RASSF8: variants seen among roughly 807,000 people sequenced by gnomAD.
RASSF8 encodes the protein ras association domain-containing protein 8.
RASSF8 carries 22 observed loss-of-function variants against 48.5 expected under a neutral mutation model. The observed-to-expected ratio is 0.45, with a 90% CI of 0.32 to 0.65. RASSF8 has a LOEUF of 0.65. Ranked by LOEUF, RASSF8 falls within the 30% of genes least tolerant of loss-of-function variation. The pLI, the probability that RASSF8 is intolerant of heterozygous loss-of-function variation, is 0.03. For synonymous variants in RASSF8, 127 were observed against 171.5 expected (o/e 0.74, Z 2.03); for missense variants, 418 against 489.2 (o/e 0.85, Z 1.37).
intron 1 of RASSF8, among the ~76,000 whole-genome samples, chr12:25,971,286 G>T (rs1395509650): frequency 2.0e-5 from 3 of 152,120 alleles, no homozygotes; most frequent in Non-Finnish European, 2.9e-5. Context: ...AATGATTTTC[G>T]TGGGGCCCTG....
At chr12:26,043,720 T>G (rs1256036068) in intron 2 of RASSF8, among the ~76,000 whole-genome samples, 1 of 152,182 alleles carries the variant, frequency 6.6e-6, no homozygotes, top group Non-Finnish European at 1.5e-5. Context: ...GTTTGTTTAT[T>G]CAATGGAAAT....
chr12:25,962,436 A>G lies in RASSF8; in HGVS notation c.-203+3288A>G, dbSNP rs143230107. Reference sequence around the variant, plus strand: ...CTTTTGCTTCTGAATATTTACCACAATTTATATATTATTTAATCACTTAGG... The same window carrying G: ...CTTTTGCTTCTGAATATTTACCACAGTTTATATATTATTTAATCACTTAGG... On this transcript the variant is annotated intron_variant, in intron 1 of 5. Coordinates refer to ENST00000689635, the MANE Select transcript of RASSF8 (RefSeq NM_001394098.1). Among the ~76,000 whole-genome samples, 810 of 152,210 alleles carry G rather than the reference A, an allele frequency of 5.3e-3. 6 individuals carry two copies. Among genetic ancestry groups the G allele is most frequent in the Middle Eastern group, 0.01 (3 of 294 alleles).
chr12:26,037,765 T>A (rs892519520), intron 2 of RASSF8, among the ~76,000 whole-genome samples: 3 of 152,142 alleles, frequency 2.0e-5, no homozygotes, highest in African/African-American at 7.2e-5. Flanking sequence ...GAGATACTTG[T>A]ATGAGATGCA....
chr12:26,036,681 G>T (rs768469109), intron 2 of RASSF8, among the ~76,000 whole-genome samples: 1 of 152,076 alleles, frequency 6.6e-6, no homozygotes, highest in Non-Finnish European at 1.5e-5. Context: ...GCTAAAGCAG[G>T]TGGATCACCT....
chr12:26,067,491 A>G, intron 4 of RASSF8, 78 bp from the exon 5 acceptor site: 2 of 1,403,344 alleles, frequency 1.4e-6, no homozygotes, highest in Non-Finnish European at 2.0e-6. Context: ...CCCCTGTAGC[A>G]GATGGATCCT....
At chr12:25,981,313 G>GT (rs1475940052) in intron 1 of RASSF8, among the ~76,000 whole-genome samples, 1 of 152,098 alleles carries the variant, frequency 6.6e-6, no homozygotes, top group African/African-American at 2.4e-5. Context: ...AAAGCATGCA[G>GT]TTTATATAGC....
Position 26,071,666 on chromosome 12 carries a change from A to G in RASSF8, c.*2848A>G. The G allele has an allele frequency of 2.0e-6, 2 of 984,062 alleles. No individual in the cohort carries two copies. The highest frequency in any genetic ancestry group is 2.4e-6 in the Non-Finnish European group (2 of 828,798). 61.0% of individuals were successfully genotyped at this position (984,062 alleles called of 1,614,324 possible). A position where few individuals can be genotyped will look rare whatever the true frequency, so the allele number is the denominator to read the frequency against. On this transcript the variant is annotated 3_prime_UTR_variant, in exon 6 of 6. Coordinates refer to ENST00000689635, the MANE Select transcript of RASSF8 (RefSeq NM_001394098.1). ...TGTCTTGATGCACAGGGACTTTTTTATAATATGAGACTTCAGTTGGTATTA... is the reference window on the plus strand; with the variant it reads ...TGTCTTGATGCACAGGGACTTTTTTGTAATATGAGACTTCAGTTGGTATTA...
chr12:26,029,337 C>T (rs1374010229), intron 2 of RASSF8, among the ~76,000 whole-genome samples: 2 of 152,138 alleles, frequency 1.3e-5, no homozygotes, highest in African/African-American at 4.8e-5. Context: ...TTATTGTATT[C>T]CTTTAACAAA....
At chr12:25,999,002 A>G (rs1221155783) in intron 2 of RASSF8, among the ~76,000 whole-genome samples, 3 of 152,204 alleles carry the variant, frequency 2.0e-5, no homozygotes, top group Non-Finnish European at 2.9e-5. Context: ...TTTATTGAGG[A>G]TCTGTTATTT....
In RASSF8 at chr12:26,035,862, AT is replaced by A. The variant is rs1943137576; in HGVS notation, c.-108-19373del. Among the ~76,000 whole-genome samples the A allele has an allele frequency of 6.6e-5, 8 of 121,914 alleles. No homozygotes were observed. The South Asian group carries it at 1.4e-3, about 21-fold the overall frequency. The allele number at this position is 121,914 out of a possible 152,430, so 80.0% of individuals were successfully genotyped here. ...ATAATTATGTATTATATAAAATATA[AT>A]AAAATTATATATTATATATTATATA... On this transcript the variant is annotated intron_variant, in intron 2 of 5. Coordinates refer to ENST00000689635, the MANE Select transcript of RASSF8 (RefSeq NM_001394098.1).
intron 4 of RASSF8, among the ~76,000 whole-genome samples, chr12:26,065,844 C>T (rs185706586): frequency 7.2e-5 from 11 of 152,308 alleles, no homozygotes; most frequent in Middle Eastern, 3.4e-3. Context: ...CAGTACCCTC[C>T]TTTGCTTTCC....
At position 26,072,314 on chromosome 12, in the gene RASSF8, C is replaced by G. The variant is rs1220411444; in HGVS notation, c.*3496C>G. ...TTGGGGTGAAGGCCATCAGCTGTATCAAAAAGACAAAACAATCACTATTTA... is the reference window on the plus strand; with the variant it reads ...TTGGGGTGAAGGCCATCAGCTGTATGAAAAAGACAAAACAATCACTATTTA... On this transcript the variant is annotated 3_prime_UTR_variant, in exon 6 of 6. Coordinates refer to ENST00000689635, the MANE Select transcript of RASSF8 (RefSeq NM_001394098.1). 7.1e-6 allele frequency: 7 copies of G among 985,304 alleles called. No homozygotes were observed. The highest frequency in any genetic ancestry group is 8.4e-6 in the Non-Finnish European group (7 of 829,868). The allele number at this position is 985,304 out of a possible 1,614,324, so 61.0% of individuals were successfully genotyped here.
chr12:26,003,062 C>T (rs919147971), intron 2 of RASSF8, among the ~76,000 whole-genome samples: 1 of 152,182 alleles, frequency 6.6e-6, no homozygotes, highest in African/African-American at 2.4e-5. Context: ...CATCTACATT[C>T]AGCTAATTAA....
chr12:25,976,539 A>G (rs1403570872), intron 1 of RASSF8, among the ~76,000 whole-genome samples: 1 of 152,196 alleles, frequency 6.6e-6, no homozygotes, highest in African/African-American at 2.4e-5. Context: ...GTGGGCTACC[A>G]CTTCGGTTAC....
At chr12:25,985,030 G>C (rs1941839328) in intron 1 of RASSF8, among the ~76,000 whole-genome samples, 1 of 152,116 alleles carries the variant, frequency 6.6e-6, no homozygotes, top group Admixed American at 6.5e-5. Context: ...CCCTGGTCTT[G>C]AGCCTTTCAT....
chr12:26,003,502 A>G lies in RASSF8; in HGVS notation c.-109+8372A>G, dbSNP rs566922158. 2.6e-5 allele frequency among the ~76,000 whole-genome samples: 4 copies of G among 152,358 alleles called. No individual in the cohort carries two copies. The East Asian group carries it at 7.7e-4, about 29-fold the overall frequency. On this transcript the variant is annotated intron_variant, in intron 2 of 5. Coordinates refer to ENST00000689635, the MANE Select transcript of RASSF8 (RefSeq NM_001394098.1). ...GAAGGCAGACTATTATGCAGCCAAT[A>G]AAAGAGTTTATCTGCTTATCTATAG...
intron 2 of RASSF8, among the ~76,000 whole-genome samples, chr12:26,012,271 G>A (rs1942544327): frequency 2.0e-5 from 3 of 152,280 alleles, no homozygotes; most frequent in Admixed American, 2.0e-4. Context: ...CACATTCAAA[G>A]CACTTAGAAC....
intron 2 of RASSF8, among the ~76,000 whole-genome samples, chr12:26,051,818 C>T (rs1465357466): frequency 2.0e-5 from 3 of 152,186 alleles, no homozygotes; most frequent in Non-Finnish European, 2.9e-5. Flanking sequence ...GATTCATTAA[C>T]GTTGAACCCA....
At chr12:25,968,742 G>T (rs1431265300) in intron 1 of RASSF8, among the ~76,000 whole-genome samples, 1 of 152,200 alleles carries the variant, frequency 6.6e-6, no homozygotes. Context: ...GCTCCTGTTT[G>T]CATGGAGAGC....
Sources: allele counts gnomAD v4.1 joint callset (sites outside exome capture counted in the v4.1 genomes callset), GRCh38; gene constraint gnomAD v4.1.1; transcripts MANE v1.5; gene names NCBI Gene and HGNC (gene_info 2026-07-23, HGNC 2026-07-21).